The following CSNK1D variants were observed in gnomAD, a reference collection of about 807,000 sequenced individuals.
CSNK1D encodes the protein casein kinase I isoform delta.
In CSNK1D, 16 loss-of-function variants were observed where a neutral mutation model predicts 46.6. The observed-to-expected ratio is 0.34, with a 90% CI of 0.23 to 0.52. The LOEUF is 0.52. Among genes scored for constraint, CSNK1D ranks in the 20% least tolerant of loss-of-function variants. CSNK1D has a pLI of 0.95. For synonymous variants in CSNK1D, 276 were observed against 228.2 expected, an observed-to-expected ratio of 1.21 and a Z score of -1.89; for missense variants, 398 against 578.4, an observed-to-expected ratio of 0.69 and a Z score of 3.20.
chr17:82,256,355 T>C (rs560343041), intron 2 of CSNK1D, among the ~76,000 whole-genome samples: 2 of 151,796 alleles, frequency 1.3e-5, no homozygotes, highest in Non-Finnish European at 2.9e-5. Flanking sequence ...CTACAAAAAA[T>C]TCTGGAAATT....
Position 82,250,077 on chromosome 17 carries a change from T to A in CSNK1D, c.886-475A>T. 1 of 1,287,522 alleles carries A rather than the reference T, an allele frequency of 7.8e-7. No individual in the cohort carries two copies. The highest frequency in any genetic ancestry group is 1.0e-6 in the Non-Finnish European group (1 of 987,684). The allele number at this position is 1,287,522 out of a possible 1,614,324, so 79.8% of individuals were successfully genotyped here. A position where few individuals can be genotyped will look rare whatever the true frequency, so the allele number is the denominator to read the frequency against. The stretch of plus-strand genomic sequence containing the variant: ...CCGGACCCTGCAGCCTCCAACAGCC[T>A]GTGCAGGTGTGGTGGCGTGGCCAGC... On this transcript the variant is annotated intron_variant, in intron 6 of 8. Coordinates refer to ENST00000314028, the MANE Select transcript of CSNK1D (RefSeq NM_001893.6). This position sits in a 1 kb window ranked among gnomAD's most constrained non-coding sequence, Gnocchi z 4.6.
At position 82,252,720 on chromosome 17, in the gene CSNK1D, C is replaced by T. The variant is rs780456967; in HGVS notation, c.566-116G>A. On this transcript the variant is annotated intron_variant, in intron 4 of 8. Coordinates refer to ENST00000314028, the MANE Select transcript of CSNK1D (RefSeq NM_001893.6). The surrounding 1 kb of genome is among the most constrained non-coding windows in gnomAD (Gnocchi z 4.6). ...CTCAGACACACATGCCCAGATCACT[C>T]CAGCTGGCACTTCCAGTGGAGACGA... 274 of 1,092,586 alleles carry T rather than the reference C, an allele frequency of 2.5e-4. No individual in the cohort carries two copies. Among genetic ancestry groups the T allele is most frequent in the Non-Finnish European group, 3.6e-4 (264 of 741,446 alleles). The allele number at this position is 1,092,586 out of a possible 1,614,324, so 67.7% of individuals were successfully genotyped here. A position where few individuals can be genotyped will look rare whatever the true frequency, so the allele number is the denominator to read the frequency against.
At chr17:82,247,988 C>A in intron 8 of CSNK1D, 1 of 985,488 alleles carries the variant, frequency 1.0e-6, no homozygotes, top group Non-Finnish European at 1.2e-6. Context: ...GCCCCGCTCA[C>A]GGCAGCAGGC....
chr17:82,248,829 C>G lies in CSNK1D; in HGVS notation c.1197+46G>C. On this transcript the variant is annotated intron_variant, in intron 8 of 8. Transcript: ENST00000314028. This position sits in a 1 kb window ranked among gnomAD's most constrained non-coding sequence, Gnocchi z 4.1. ...AACCACAGCCCGCTCTTGACTCGGA[C>G]GGGGTAGCCCGAGGCCCAGCGCCCG... 8.8e-6 allele frequency: 14 copies of G among 1,589,704 alleles called. No individual in the cohort carries two copies. The highest frequency in any genetic ancestry group is 1.2e-5 in the Non-Finnish European group (14 of 1,167,606).
downstream of CSNK1D, among the ~76,000 whole-genome samples, chr17:82,242,349 C>T (rs1020322238): frequency 3.3e-5 from 5 of 152,216 alleles, no homozygotes; most frequent in African/African-American, 7.2e-5. Context: ...GACATGCGCT[C>T]ACCCCAGGCG....
Position 82,255,317 on chromosome 17 carries a change from T to C in CSNK1D, c.336+112A>G. On this transcript the variant is annotated intron_variant, in intron 3 of 8. Coordinates refer to ENST00000314028, the MANE Select transcript of CSNK1D (RefSeq NM_001893.6). This position sits in a 1 kb window ranked among gnomAD's most constrained non-coding sequence, Gnocchi z 5.9. ...AGCCTCAAGGCTGAGGCTCAGCAAATTTCCATTTCCTCTGTGAATTAATGG... is the reference window on the plus strand; with the variant it reads ...AGCCTCAAGGCTGAGGCTCAGCAAACTTCCATTTCCTCTGTGAATTAATGG... 1 of 1,355,398 alleles carries C rather than the reference T, an allele frequency of 7.4e-7. No homozygotes were observed. The highest frequency in any genetic ancestry group is 1.1e-6 in the Non-Finnish European group (1 of 950,976). The allele number at this position is 1,355,398 out of a possible 1,614,324, so 84.0% of individuals were successfully genotyped here. A position where few individuals can be genotyped will look rare whatever the true frequency, so the allele number is the denominator to read the frequency against.
intron 2 of CSNK1D, among the ~76,000 whole-genome samples, chr17:82,257,031 C>A (rs899532476): frequency 6.6e-6 from 1 of 152,198 alleles, no homozygotes; most frequent in African/African-American, 2.4e-5. Flanking sequence ...ACCATCTCGG[C>A]TCACGGCAAC....
At position 82,248,923 on chromosome 17, in the gene CSNK1D, C is replaced by T. The variant is rs1267537207; in HGVS notation, c.1149G>A (p.Ser383=). 3.1e-6 allele frequency: 5 copies of T among 1,608,606 alleles called. No individual in the cohort carries two copies. Among genetic ancestry groups the T allele is most frequent in the African/African-American group, 1.3e-5 (1 of 74,816 alleles). Residue 383 remains serine (S), a synonymous_variant, in exon 8 of 9, where the codon TCG becomes TCA. Transcript: ENST00000314028. This position sits in a 1 kb window ranked among gnomAD's most constrained non-coding sequence, Gnocchi z 4.1. Reference sequence around the variant, plus strand: ...TATCTTGTCGGCCTGTGAGGTCGGACGAGGAGATGTTGACGGGGGCCCCGC... The same window carrying T: ...TATCTTGTCGGCCTGTGAGGTCGGATGAGGAGATGTTGACGGGGGCCCCGC... ...LHRGAPVNIS[S]SDLTGRQDTS... is the part of the protein sequence containing the mutation.
At chr17:82,260,639 CTGA>C (rs1225205234) in intron 2 of CSNK1D, among the ~76,000 whole-genome samples, 3 of 144,170 alleles carry the variant, frequency 2.1e-5, no homozygotes, top group Non-Finnish European at 4.5e-5. Flanking sequence ...AGTGACGTGA[CTGA>C]TGGTGTACTG....
chr17:82,239,482 A>G (rs1404154488), downstream of CSNK1D: 1 of 168,324 alleles, frequency 5.9e-6, no homozygotes, highest in Non-Finnish European at 1.3e-5. Context: ...TGTTAGGACC[A>G]ACGGTTTCCT....
chr17:82,273,116 GCTCCCCACTGCC>G lies in CSNK1D; in HGVS notation c.76+178_76+189del, dbSNP rs1252135937. 1.4e-4 allele frequency: 22 copies of G among 155,426 alleles called. No homozygotes were observed. The highest frequency in any genetic ancestry group is 2.2e-3 in the Middle Eastern group (1 of 458). 9.6% of individuals were successfully genotyped at this position (155,426 alleles called of 1,614,324 possible). A position where few individuals can be genotyped will look rare whatever the true frequency, so the allele number is the denominator to read the frequency against. On this transcript the variant is annotated intron_variant, in intron 1 of 8. Coordinates refer to ENST00000314028, the MANE Select transcript of CSNK1D (RefSeq NM_001893.6). The surrounding 1 kb of genome is among the most constrained non-coding windows in gnomAD (Gnocchi z 5.1). ...CTGGTCCTGCCCCTCCCCCACGTCCGCTCCCCACTGCCCTCCCCACCCCTGGCCGCGCTAGCC... is the reference window on the plus strand; with the variant it reads ...CTGGTCCTGCCCCTCCCCCACGTCCGCTCCCCACCCCTGGCCGCGCTAGCC...
intron 8 of CSNK1D, chr17:82,245,412 C>T (rs144246839): frequency 1.1e-3 from 247 of 214,782 alleles, no homozygotes; most frequent in African/African-American, 4.7e-3. Flanking sequence ...GTGGACAAGA[C>T]GGCTGGGCAG....
Position 82,249,871 on chromosome 17 carries a change from A to G in CSNK1D, c.886-269T>C. On this transcript the variant is annotated intron_variant, in intron 6 of 8. Coordinates refer to ENST00000314028, the MANE Select transcript of CSNK1D (RefSeq NM_001893.6). This position sits in a 1 kb window ranked among gnomAD's most constrained non-coding sequence, Gnocchi z 6.7. ...TCCCTGTGGGCTCAGAACTTCCTTA[A>G]ACTTCCAAATGGGCAGCAGCTACCC... is the stretch of plus-strand genomic sequence containing the variant. The G allele has an allele frequency of 7.1e-7, 1 of 1,405,782 alleles. No homozygotes were observed. Among genetic ancestry groups the G allele is most frequent in the South Asian group, 1.5e-5 (1 of 66,438 alleles). The allele number at this position is 1,405,782 out of a possible 1,614,324, so 87.1% of individuals were successfully genotyped here.
intron 8 of CSNK1D, chr17:82,245,931 A>G: frequency 1.3e-6 from 2 of 1,565,850 alleles, no homozygotes; most frequent in Non-Finnish European, 1.7e-6. Flanking sequence ...GGTGGCTCCC[A>G]CCCACCTGGC....
At chr17:82,247,534 G>C in intron 8 of CSNK1D, 2 of 985,480 alleles carry the variant, frequency 2.0e-6, no homozygotes, top group Non-Finnish European at 2.4e-6. Flanking sequence ...ACCCAGCATG[G>C]GGAGCACTCT....
Position 82,244,328 on chromosome 17 carries a change from T to C in CSNK1D, c.*453A>G, listed in dbSNP as rs73366229. On this transcript the variant is annotated 3_prime_UTR_variant, in exon 9 of 9. Coordinates refer to ENST00000314028, the MANE Select transcript of CSNK1D (RefSeq NM_001893.6). ...TTAGTCAACATTTTTTTTGTAAGAC[T>C]GCAAAAACAGACAAGAAACAATAAA... is the stretch of plus-strand genomic sequence containing the variant. 0.023 allele frequency: 25,246 copies of C among 1,103,856 alleles called. 2,252 individuals carry two copies. The African/African-American group carries it at 0.27, about 12-fold the overall frequency. The allele number at this position is 1,103,856 out of a possible 1,614,324, so 68.4% of individuals were successfully genotyped here.
In CSNK1D at chr17:82,249,739, G is replaced by T. The variant is rs768139194; in HGVS notation, c.886-137C>A. On this transcript the variant is annotated intron_variant, in intron 6 of 8. Coordinates refer to ENST00000314028, the MANE Select transcript of CSNK1D (RefSeq NM_001893.6). This position sits in a 1 kb window ranked among gnomAD's most constrained non-coding sequence, Gnocchi z 6.7. The stretch of plus-strand genomic sequence containing the variant: ...GAGACTGCCTGCAAAGCCCCCCACA[G>T]GCTGCACGTTTCTCCTCATGGGATG... 1.7e-5 allele frequency: 26 copies of T among 1,504,038 alleles called. No individual in the cohort carries two copies. Among genetic ancestry groups the T allele is most frequent in the Non-Finnish European group, 2.3e-5 (26 of 1,129,208 alleles). The allele number at this position is 1,504,038 out of a possible 1,614,324, so 93.2% of individuals were successfully genotyped here. A position where few individuals can be genotyped will look rare whatever the true frequency, so the allele number is the denominator to read the frequency against.
rs1488467141 is a variant in CSNK1D, at chr17:82,264,990, G to A, written c.187+696C>T. On this transcript the variant is annotated intron_variant, in intron 2 of 8. Coordinates refer to ENST00000314028, the MANE Select transcript of CSNK1D (RefSeq NM_001893.6). Reference sequence around the variant, plus strand: ...CTTTTTTTGTATTTTTAGTAGAGACGGGGTTTCACTGTGTTAGCCAGGATG... The same window carrying A: ...CTTTTTTTGTATTTTTAGTAGAGACAGGGTTTCACTGTGTTAGCCAGGATG... 2.0e-5 allele frequency among the ~76,000 whole-genome samples: 3 copies of A among 151,622 alleles called. 1 individual carries two copies. The highest frequency in any genetic ancestry group is 4.4e-5 in the Non-Finnish European group (3 of 67,930).
At chr17:82,272,902 T>G in intron 1 of CSNK1D, among the ~76,000 whole-genome samples, 1 of 47,232 alleles carries the variant, frequency 2.1e-5, no homozygotes. Flanking sequence ...CACGGCCCGC[T>G]GCCCCCACCC....
Sources: gnomAD v4.1 joint callset for allele counts (sites outside exome capture counted in the v4.1 genomes callset) on GRCh38, gnomAD v4.1.1 for gene constraint, Gnocchi (gnomAD v3.1) non-coding constraint, MANE v1.5 for transcripts, NCBI Gene and HGNC (gene_info 2026-07-23, HGNC 2026-07-21) for gene names.